DMD: variants seen among roughly 807,000 people sequenced by gnomAD.
DMD encodes dystrophin.
A neutral mutation model predicts 330.1 loss-of-function variants in DMD; 63 were observed. That is an observed-to-expected ratio of 0.19 (90% CI 0.16 to 0.24). DMD has a LOEUF of 0.24. Ranked by LOEUF, DMD falls within the 10% of genes least tolerant of loss-of-function variation. The pLI is 1.00. For synonymous variants in DMD, 1,223 were observed against 959.8 expected (o/e 1.27, Z -5.07); for missense variants, 3,344 against 2,684.1 (o/e 1.25, Z -5.43).
chrX:32,653,050 G>A (rs2060282381), intron 9 of DMD, among the ~76,000 whole-genome samples: 1 of 111,097 alleles, frequency 9.0e-6, no homozygotes, highest in African/African-American at 3.3e-5. Context: ...TGTAGATTCT[G>A]GATATTAGCC....
At chrX:31,762,467 G>A (rs1272447911) in intron 51 of DMD, among the ~76,000 whole-genome samples, 4 of 111,455 alleles carry the variant, frequency 3.6e-5, no homozygotes, top group Non-Finnish European at 7.5e-5. Context: ...TACTCAGGAG[G>A]CTGAGGCAGG....
intron 60 of DMD, among the ~76,000 whole-genome samples, chrX:31,380,425 G>A (rs947506791): frequency 9.2e-6 from 1 of 109,112 alleles, no homozygotes; most frequent in Non-Finnish European, 1.9e-5. Flanking sequence ...CCTCCTTAGC[G>A]ACCAATCATG....
At chrX:32,558,078 C>T (rs1035976092) in intron 16 of DMD, among the ~76,000 whole-genome samples, 5 of 109,915 alleles carry the variant, frequency 4.5e-5, no homozygotes, top group East Asian at 2.8e-4. Context: ...TTTGTTTCTT[C>T]GAAATAAATA....
intron 7 of DMD, among the ~76,000 whole-genome samples, chrX:32,807,122 TAAA>T (rs999286386): frequency 1.4e-3 from 30 of 20,735 alleles, no homozygotes; most frequent in African/African-American, 4.4e-3. Context: ...CGGAAACATT[TAAA>T]AAAAAAAAAA....
At chrX:32,259,744 CA>C (rs773456582) in intron 43 of DMD, among the ~76,000 whole-genome samples, 106 of 111,739 alleles carry the variant, frequency 9.5e-4, no homozygotes, top group Middle Eastern at 4.6e-3. Flanking sequence ...TGAAGGTCTA[CA>C]ATGCTTTGAA....
At chrX:32,878,247 G>A (rs768738416) in intron 2 of DMD, among the ~76,000 whole-genome samples, 104 of 110,465 alleles carry the variant, frequency 9.4e-4, no homozygotes, top group South Asian at 1.2e-3. Flanking sequence ...GTGTAGTGGC[G>A]GGCGCCTGTA....
At chrX:32,653,291 G>A (rs1360781058) in intron 9 of DMD, among the ~76,000 whole-genome samples, 1 of 111,894 alleles carries the variant, frequency 8.9e-6, no homozygotes, top group Non-Finnish European at 1.9e-5. Context: ...ATGGTTTTAG[G>A]TCTAACATTT....
At chrX:33,258,113 A>C (rs1042870016) in intron 1 of DMD, among the ~76,000 whole-genome samples, 14 of 111,466 alleles carry the variant, frequency 1.3e-4, no homozygotes, top group African/African-American at 4.5e-4. Context: ...GTTTCAGCAC[A>C]ATGTTTTATG....
At chrX:31,529,803 A>G (rs2073571724) in intron 55 of DMD, among the ~76,000 whole-genome samples, 1 of 111,543 alleles carries the variant, frequency 9.0e-6, no homozygotes, top group Non-Finnish European at 1.9e-5. Flanking sequence ...CCCTTCAAAG[A>G]AAACACTTTG....
intron 52 of DMD, among the ~76,000 whole-genome samples, chrX:31,722,131 T>G (rs1779453686): frequency 9.0e-6 from 1 of 110,575 alleles, no homozygotes; most frequent in African/African-American, 3.3e-5. Flanking sequence ...TTTATTTATT[T>G]ATTTACGATG....
At chrX:32,940,274 T>C (rs1405946866) in intron 2 of DMD, among the ~76,000 whole-genome samples, 2 of 112,290 alleles carry the variant, frequency 1.8e-5, no homozygotes, top group Non-Finnish European at 3.8e-5. Flanking sequence ...ATTGTAAGTT[T>C]TCTTACCACA....
intron 44 of DMD, among the ~76,000 whole-genome samples, chrX:32,046,905 A>C (rs1033118113): frequency 1.8e-5 from 2 of 111,155 alleles, no homozygotes; most frequent in African/African-American, 6.5e-5. Flanking sequence ...GTAATTCCCT[A>C]GTGCCCATCT....
chrX:32,720,791 TA>T (rs1386622290), intron 7 of DMD, among the ~76,000 whole-genome samples: 2 of 111,352 alleles, frequency 1.8e-5, no homozygotes, highest in African/African-American at 6.5e-5. Flanking sequence ...TATATTTTTT[TA>T]AAAAAGGGTT....
chrX:31,129,742 C>G (rs933421078), intron 77 of DMD, among the ~76,000 whole-genome samples: 1 of 112,155 alleles, frequency 8.9e-6, no homozygotes, highest in African/African-American at 3.2e-5. Flanking sequence ...GATAACCGCT[C>G]AAATCCTTTG....
chrX:31,609,113 T>C (rs770673414), intron 55 of DMD, among the ~76,000 whole-genome samples: 3 of 111,640 alleles, frequency 2.7e-5, no homozygotes, highest in Non-Finnish European at 5.6e-5. Context: ...TGCTGCTAAA[T>C]TTAAGAAATA....
chrX:32,347,636 G>T (rs1477638006), intron 38 of DMD, among the ~76,000 whole-genome samples: 2 of 111,833 alleles, frequency 1.8e-5, no homozygotes, highest in East Asian at 5.6e-4. Flanking sequence ...TCACTTTCAA[G>T]CATTGTCTGA....
In DMD at chrX:32,229,723, TATAA is replaced by T. The variant is rs1364464092; in HGVS notation, c.6291-12664_6291-12661del. Reference sequence around the variant, plus strand: ...ATATATATATATATATATATATATATATAAAATCAAAGAGTTTGGGAATAAGTAT... The same window carrying T: ...ATATATATATATATATATATATATATAATCAAAGAGTTTGGGAATAAGTAT... On this transcript the variant is annotated intron_variant, in intron 43 of 78. Transcript: ENST00000357033. Among the ~76,000 whole-genome samples, 148 of 71,260 alleles carry T rather than the reference TATAA, an allele frequency of 2.1e-3. 1 individual carries two copies. Among genetic ancestry groups the T allele is most frequent in the African/African-American group, 7.6e-3 (139 of 18,254 alleles). 61.9% of individuals were successfully genotyped at this position (71,260 alleles called of 115,157 possible). A position where few individuals can be genotyped will look rare whatever the true frequency, so the allele number is the denominator to read the frequency against.
intron 7 of DMD, among the ~76,000 whole-genome samples, chrX:32,734,503 C>G (rs1267558742): frequency 9.4e-6 from 1 of 106,871 alleles, no homozygotes; most frequent in Admixed American, 1.0e-4. Context: ...AACACTGATG[C>G]AAAAATCCTC....
intron 67 of DMD, among the ~76,000 whole-genome samples, chrX:31,203,414 A>G (rs1167217562): frequency 1.8e-5 from 2 of 110,978 alleles, no homozygotes; most frequent in African/African-American, 6.6e-5. Flanking sequence ...AGAAAAAGCA[A>G]TGGGACAGGA....
Sources: gnomAD v4.1 joint callset for allele counts (sites outside exome capture counted in the v4.1 genomes callset) on GRCh38, gnomAD v4.1.1 for gene constraint, MANE v1.5 for transcripts, NCBI Gene and HGNC (gene_info 2026-07-23, HGNC 2026-07-21) for gene names.